UBR3: variants seen among roughly 807,000 people sequenced by gnomAD.
UBR3 encodes the protein E3 ubiquitin-protein ligase UBR3.
In UBR3, 85 loss-of-function variants were observed where a neutral mutation model predicts 243.2. The observed-to-expected ratio is 0.35, with a 90% CI of 0.29 to 0.42. UBR3 has a LOEUF of 0.42. Among genes scored for constraint, UBR3 ranks in the 10% least tolerant of loss-of-function variants. UBR3 has a pLI of 1.00. For missense variants in UBR3, 1,686 were observed against 2,300.8 expected, an observed-to-expected ratio of 0.73 and a Z score of 5.47; for synonymous variants, 748 against 799.8, an observed-to-expected ratio of 0.94 and a Z score of 1.09.
chr2:169,843,570 A>C (rs958674647), intron 1 of UBR3, among the ~76,000 whole-genome samples: 2 of 152,198 alleles, frequency 1.3e-5, no homozygotes, highest in Non-Finnish European at 2.9e-5. Context: ...TCAAACCATA[A>C]CACCATGTAT....
intron 31 of UBR3, among the ~76,000 whole-genome samples, chr2:170,038,528 G>T (rs2090886395): frequency 6.6e-6 from 1 of 152,100 alleles, no homozygotes; most frequent in Admixed American, 6.6e-5. Context: ...TGAATTAGAG[G>T]AACATAAAAT....
intron 1 of UBR3, among the ~76,000 whole-genome samples, chr2:169,852,087 A>C (rs1054205255): frequency 2.0e-5 from 3 of 152,102 alleles, no homozygotes; most frequent in African/African-American, 7.2e-5. Context: ...GGGCATTTAG[A>C]CTGCCTGTTT....
chr2:169,889,685 A>G (rs1354264032), intron 5 of UBR3, among the ~76,000 whole-genome samples: 3 of 152,308 alleles, frequency 2.0e-5, no homozygotes, highest in South Asian at 4.1e-4. Flanking sequence ...TTAACAGGGA[A>G]GACATATTGA....
At position 169,979,102 on chromosome 2, in the gene UBR3, T is replaced by C. The variant is rs565395609; in HGVS notation, c.3635-7543T>C. ...TAGTTTTTAAAATGAGCAGAAGATC[T>C]GAACAGACACCTTACAAAGAAGATG... is the stretch of plus-strand genomic sequence containing the variant. On this transcript the variant is annotated intron_variant, in intron 24 of 38. Coordinates refer to ENST00000272793, the MANE Select transcript of UBR3 (RefSeq NM_172070.4). Among the ~76,000 whole-genome samples the C allele has an allele frequency of 6.4e-4, 97 of 152,308 alleles. 2 individuals carry two copies. In the South Asian group the frequency reaches 0.02, roughly 31 times the overall value.
intron 1 of UBR3, among the ~76,000 whole-genome samples, chr2:169,850,265 C>T (rs1036376336): frequency 3.3e-5 from 5 of 149,898 alleles, no homozygotes; most frequent in Non-Finnish European, 7.4e-5. Context: ...TGCAACCTCT[C>T]CCTCCTGGGC....
Position 170,013,200 on chromosome 2 carries a change from G to A in UBR3, c.4368-2081G>A, listed in dbSNP as rs187799268. ...TATTGCTGTGTGATTTTCAGCAGTC[G>A]GACATGGGACATATGACCCATTTGT... is the stretch of plus-strand genomic sequence containing the variant. On this transcript the variant is annotated intron_variant, in intron 29 of 38. Coordinates refer to ENST00000272793, the MANE Select transcript of UBR3 (RefSeq NM_172070.4). 5.1e-3 allele frequency among the ~76,000 whole-genome samples: 769 copies of A among 152,182 alleles called. 4 individuals carry two copies. The highest frequency in any genetic ancestry group is 0.018 in the African/African-American group (746 of 41,530).
rs556491747 is a variant in UBR3 at position 169,995,454 on chromosome 2, G to A, written c.3918+998G>A. Among the ~76,000 whole-genome samples, 4 of 152,236 alleles carry A rather than the reference G, an allele frequency of 2.6e-5. No homozygotes were observed. The South Asian group carries it at 6.2e-4, about 24-fold the overall frequency. The stretch of plus-strand genomic sequence containing the variant: ...CTTTAGAAGTTTTGATGATGTTTTT[G>A]TAATCAGAAATATACTACAGGAATT... On this transcript the variant is annotated intron_variant, in intron 26 of 38. Coordinates refer to ENST00000272793, the MANE Select transcript of UBR3 (RefSeq NM_172070.4).
intron 35 of UBR3, among the ~76,000 whole-genome samples, chr2:170,071,320 A>G (rs2091693053): frequency 6.6e-6 from 1 of 152,202 alleles, no homozygotes; most frequent in South Asian, 2.1e-4. Context: ...ACAACCATCA[A>G]CATGTGAATG....
At chr2:169,922,941 T>C (rs561651418) in intron 11 of UBR3, among the ~76,000 whole-genome samples, 1 of 152,330 alleles carries the variant, frequency 6.6e-6, no homozygotes, top group African/African-American at 2.4e-5. Flanking sequence ...ATGTAAATTA[T>C]ATACATTAGC....
intron 24 of UBR3, among the ~76,000 whole-genome samples, chr2:169,968,402 C>T (rs890837525): frequency 3.3e-5 from 5 of 152,144 alleles, no homozygotes; most frequent in African/African-American, 1.2e-4. Context: ...TCTACTTTCA[C>T]AGGATTCACT....
At chr2:169,829,234 T>A (rs1251928822) in intron 1 of UBR3, among the ~76,000 whole-genome samples, 1 of 152,092 alleles carries the variant, frequency 6.6e-6, no homozygotes, top group Non-Finnish European at 1.5e-5. Flanking sequence ...TAAAAATGAA[T>A]GAAACATTGA....
intron 36 of UBR3, among the ~76,000 whole-genome samples, chr2:170,076,850 C>G (rs573743327): frequency 6.6e-6 from 1 of 152,284 alleles, no homozygotes; most frequent in East Asian, 1.9e-4. Flanking sequence ...GCCTTTCAAG[C>G]TTGGTCTATG....
At chr2:169,954,540 G>C (rs1335153133) in intron 23 of UBR3, among the ~76,000 whole-genome samples, 1 of 149,182 alleles carries the variant, frequency 6.7e-6, no homozygotes, top group African/African-American at 2.5e-5. Flanking sequence ...GCTGCTCCTA[G>C]CCCCCAATAA....
In UBR3 at chr2:170,061,308, T is replaced by C. The variant is rs2091452038; in HGVS notation, c.4894-10T>C. 6.2e-7 allele frequency: 1 copy of C among 1,609,168 alleles called. No homozygotes were observed. The highest frequency in any genetic ancestry group is 1.3e-5 in the African/African-American group (1 of 74,656). On this transcript the variant is annotated splice_polypyrimidine_tract_variant and intron_variant, in intron 34 of 38. Transcript: ENST00000272793. ...GACTGACTTGTTCAAATTTTCTTTTTTAACTTTAGGTTAACCCTATTGCTT... is the reference window on the plus strand; with the variant it reads ...GACTGACTTGTTCAAATTTTCTTTTCTAACTTTAGGTTAACCCTATTGCTT...
chr2:170,039,796 A>T (rs886744551), intron 31 of UBR3, among the ~76,000 whole-genome samples: 3 of 152,334 alleles, frequency 2.0e-5, no homozygotes, highest in South Asian at 2.1e-4. Flanking sequence ...AAAGGCATTT[A>T]AAAAATTCTT....
In UBR3 at chr2:170,079,801, G is replaced by T; in HGVS notation, c.5200-13G>T. On this transcript the variant is annotated splice_polypyrimidine_tract_variant and intron_variant, in intron 36 of 38. Transcript: ENST00000272793. ...TACATAAAACTAATGAATATTTTTG[G>T]ATAATGTTTTAGGCCTTGCTTATCC... is the stretch of plus-strand genomic sequence containing the variant. The T allele has an allele frequency of 6.3e-7, 1 of 1,596,350 alleles. No individual in the cohort carries two copies. Among genetic ancestry groups the T allele is most frequent in the South Asian group, 1.1e-5 (1 of 87,732 alleles).
intron 26 of UBR3, among the ~76,000 whole-genome samples, chr2:170,000,430 C>G (rs2105399270): frequency 6.6e-6 from 1 of 152,200 alleles, no homozygotes; most frequent in Non-Finnish European, 1.5e-5. Context: ...GAGGAAAGAC[C>G]AAAATCATGA....
intron 35 of UBR3, among the ~76,000 whole-genome samples, chr2:170,064,395 A>G (rs748888526): frequency 3.3e-5 from 5 of 152,044 alleles, no homozygotes; most frequent in Non-Finnish European, 4.4e-5. Flanking sequence ...CACACCTACT[A>G]TGTACCCACA....
At chr2:170,028,214 C>G (rs548958592) in intron 30 of UBR3, among the ~76,000 whole-genome samples, 4 of 151,726 alleles carry the variant, frequency 2.6e-5, no homozygotes, top group Non-Finnish European at 4.4e-5. Context: ...ACTCAAATTA[C>G]AGCTCCCATA....
Sources: allele counts gnomAD v4.1 joint callset (sites outside exome capture counted in the v4.1 genomes callset), GRCh38; gene constraint gnomAD v4.1.1; transcripts MANE v1.5; gene names NCBI Gene and HGNC (gene_info 2026-07-23, HGNC 2026-07-21).